The following ADD2 variants were observed in gnomAD, a reference collection of about 807,000 sequenced individuals.
The protein encoded by ADD2 is adducin 2.
A neutral mutation model predicts 83.0 loss-of-function variants in ADD2; 23 were observed. The ratio of observed to expected loss-of-function variants is 0.28; its 90% CI spans 0.20 to 0.39. The LOEUF (loss-of-function observed/expected upper bound fraction) is 0.39, where lower values mean the gene tolerates loss of function less well. ADD2 is among the 10% of genes least tolerant of loss of function. ADD2 has a pLI of 1.00. For synonymous variants in ADD2, 375 were observed against 375.4 expected (o/e 1.00, Z 0.01); for missense variants, 758 against 944.9 (o/e 0.80, Z 2.59).
chr2:70,741,589 C>T (rs118158230), intron 1 of ADD2, among the ~76,000 whole-genome samples: 1,963 of 152,288 alleles, frequency 0.013, 18 homozygotes, highest in South Asian at 0.035. Flanking sequence ...CATTCCCATA[C>T]GTATTTTTCT....
intron 1 of ADD2, among the ~76,000 whole-genome samples, chr2:70,746,063 A>G (rs1674178127): frequency 6.6e-6 from 1 of 152,244 alleles, no homozygotes; most frequent in Non-Finnish European, 1.5e-5. Context: ...GACTGTCGTT[A>G]TGATAATGAC....
intron 9 of ADD2, among the ~76,000 whole-genome samples, chr2:70,685,669 C>T (rs78944139): frequency 0.024 from 3,662 of 152,296 alleles, 78 homozygotes; most frequent in Admixed American, 0.058. Context: ...AGATCTAAAG[C>T]ACTTAGTGTA....
rs17006091 is a variant in ADD2 at position 70,686,518 on chromosome 2, A to G, written c.948+1506T>C. Among the ~76,000 whole-genome samples, 627 of 152,294 alleles carry G rather than the reference A, an allele frequency of 4.1e-3. 5 individuals are homozygous for G. Among genetic ancestry groups the G allele is most frequent in the African/African-American group, 0.014 (602 of 41,566 alleles). On this transcript the variant is annotated intron_variant, in intron 9 of 15. Coordinates refer to ENST00000264436, the MANE Select transcript of ADD2 (RefSeq NM_001617.4). ...TTCACCATGTGGGGTGGTGCGACAC[A>G]TGGGCATCCCTCTCCCTTCATTTTT...
At chr2:70,758,081 G>A (rs1228111093) in intron 1 of ADD2, among the ~76,000 whole-genome samples, 10 of 152,148 alleles carry the variant, frequency 6.6e-5, no homozygotes, top group Non-Finnish European at 1.0e-4. Flanking sequence ...TGCCATTCAC[G>A]CGGCAGGAAC....
At chr2:70,693,240 C>T (rs1227212817) in intron 6 of ADD2, among the ~76,000 whole-genome samples, 1 of 152,174 alleles carries the variant, frequency 6.6e-6, no homozygotes, top group Non-Finnish European at 1.5e-5. Context: ...AATCCTGAAG[C>T]CAGCCCCTCC....
At chr2:70,679,249 A>C (rs1389485082) in intron 10 of ADD2, among the ~76,000 whole-genome samples, 1 of 152,128 alleles carries the variant, frequency 6.6e-6, no homozygotes, top group East Asian at 1.9e-4. Context: ...ATCCAAATGG[A>C]GCCACAGATT....
chr2:70,695,753 C>G lies in ADD2; in HGVS notation c.523G>C (p.Val175Leu), dbSNP rs1553372490. The change falls in exon 6 of 16, where the codon GTT (valine) becomes CTT (leucine). Residue 175 changes from valine (V) to leucine (L), a missense_variant. By Grantham distance (32) the Val-to-Leu change is conservative. This residue lies in a region of ADD2 where 394 missense variants were observed against 509.3 expected (regional missense o/e 0.77). Transcript: ENST00000264436. ...QDHFLISPKG[V>L]SCSEVTASSL... ...GACGCTGTGACTTCACTGCAAGAAA[C>G]TCCCTTAGGGCTGATCAGGAAGTGG... 6.2e-7 allele frequency: 1 copy of G among 1,614,208 alleles called. No homozygotes were observed.
intron 1 of ADD2, among the ~76,000 whole-genome samples, chr2:70,765,251 G>C (rs569987718): frequency 6.6e-6 from 1 of 152,208 alleles, no homozygotes; most frequent in East Asian, 1.9e-4. Flanking sequence ...TATTCGGGAG[G>C]CTGAGGCGTG....
intron 1 of ADD2, among the ~76,000 whole-genome samples, chr2:70,732,416 T>C (rs1553379479): frequency 6.6e-6 from 1 of 152,192 alleles, no homozygotes; most frequent in Non-Finnish European, 1.5e-5. Flanking sequence ...TCAATTGAGA[T>C]CACATATATA....
At chr2:70,738,646 T>C (rs1196949455) in intron 1 of ADD2, among the ~76,000 whole-genome samples, 1 of 152,206 alleles carries the variant, frequency 6.6e-6, no homozygotes, top group African/African-American at 2.4e-5. Flanking sequence ...GTGCTGGTCA[T>C]GCAACATGGC....
At chr2:70,704,975 T>C (rs1347076204) in intron 3 of ADD2, among the ~76,000 whole-genome samples, 1 of 152,098 alleles carries the variant, frequency 6.6e-6, no homozygotes, top group East Asian at 1.9e-4. Flanking sequence ...TTTCAGACCA[T>C]GAAGCCATAA....
rs1265192641 is a variant in ADD2, at chr2:70,676,934, G to A, written c.1504-49C>T. The A allele has an allele frequency of 4.4e-6, 7 of 1,593,266 alleles. No homozygotes were observed. The highest frequency in any genetic ancestry group is 3.4e-5 in the Admixed American group (2 of 59,174). On this transcript the variant is annotated intron_variant, in intron 12 of 15. Transcript: ENST00000264436. This position sits in a 1 kb window ranked among gnomAD's most constrained non-coding sequence, Gnocchi z 4.8. Reference sequence around the variant, plus strand: ...AGTGAGCTGGCTGTTCAGGGTCAGCGTGGAGTTTGGGAGGGGGCATACGGG... The same window carrying A: ...AGTGAGCTGGCTGTTCAGGGTCAGCATGGAGTTTGGGAGGGGGCATACGGG...
intron 1 of ADD2, among the ~76,000 whole-genome samples, chr2:70,739,573 C>T (rs1402611934): frequency 6.6e-6 from 1 of 152,232 alleles, no homozygotes; most frequent in East Asian, 1.9e-4. Context: ...CATGAAGACA[C>T]ATGCACACAT....
intron 4 of ADD2, among the ~76,000 whole-genome samples, chr2:70,703,990 C>T (rs1671748242): frequency 6.6e-6 from 1 of 152,172 alleles, no homozygotes; most frequent in Non-Finnish European, 1.5e-5. Flanking sequence ...TGGCTGGCTC[C>T]TCTCAGCCCT....
intron 2 of ADD2, among the ~76,000 whole-genome samples, chr2:70,709,148 C>T (rs1441959148): frequency 6.6e-6 from 1 of 152,126 alleles, no homozygotes; most frequent in Admixed American, 6.5e-5. Flanking sequence ...GCAAAGCTGC[C>T]AAACCAGGAC....
intron 15 of ADD2, among the ~76,000 whole-genome samples, chr2:70,668,712 G>C (rs1016571736): frequency 2.0e-5 from 3 of 152,156 alleles, no homozygotes; most frequent in African/African-American, 7.2e-5. Flanking sequence ...TAAAGACATG[G>C]AGAAGGAATA....
At chr2:70,730,141 T>C (rs940907797) in intron 1 of ADD2, among the ~76,000 whole-genome samples, 3 of 152,186 alleles carry the variant, frequency 2.0e-5, no homozygotes, top group African/African-American at 7.2e-5. Flanking sequence ...TGGTGAAATA[T>C]AGTGTCAAGA....
chr2:70,673,256 G>T (rs1553367498), intron 14 of ADD2: 1 of 1,614,058 alleles, frequency 6.2e-7, no homozygotes, highest in Non-Finnish European at 8.5e-7. Context: ...TGTTACTCCA[G>T]ATGTGGAGGG....
intron 1 of ADD2, among the ~76,000 whole-genome samples, chr2:70,766,967 CCTATTTT>C (rs1288488217): frequency 1.3e-5 from 2 of 152,088 alleles, no homozygotes; most frequent in Admixed American, 1.3e-4. Flanking sequence ...ATTTCTATTT[CCTATTTT>C]CTATTTTTAG....
Sources: allele counts gnomAD v4.1 joint callset (sites outside exome capture counted in the v4.1 genomes callset), GRCh38; gene constraint gnomAD v4.1.1; regional missense constraint gnomAD v4.1.1; non-coding constraint Gnocchi (gnomAD v3.1); transcripts MANE v1.5; gene names NCBI Gene and HGNC (gene_info 2026-07-23, HGNC 2026-07-21).